The following MAP4K5 variants were observed in gnomAD, a reference collection of about 807,000 sequenced individuals.
MAP4K5 encodes mitogen-activated protein kinase kinase kinase kinase 5.
Under a neutral mutation model 135.6 loss-of-function variants are expected in MAP4K5, and 82 were observed. The observed-to-expected ratio is 0.60, with a 90% CI of 0.51 to 0.73. The LOEUF (loss-of-function observed/expected upper bound fraction) is 0.73. MAP4K5 is among the 30% of genes least tolerant of loss of function. The pLI is 0.00. For missense variants in MAP4K5, 907 were observed against 1,010.9 expected (o/e 0.90, Z 1.39); for synonymous variants, 347 against 335.0 (o/e 1.04, Z -0.39).
Position 50,486,088 on chromosome 14 carries a change from CT to C in MAP4K5, c.257+15del, listed in dbSNP as rs769195436. ...ATATAAAATACAGAGAGAGATGATG[CT>C]TTTTTTTCTCTTACCTAAGATAACT... is the stretch of plus-strand genomic sequence containing the variant. On this transcript the variant is annotated intron_variant, in intron 4 of 32. Transcript: ENST00000682126. 70 of 996,700 alleles carry C rather than the reference CT, an allele frequency of 7.0e-5. No individual in the cohort carries two copies. Among genetic ancestry groups the C allele is most frequent in the East Asian group, 1.9e-4 (7 of 37,158 alleles). The allele number at this position is 996,700 out of a possible 1,614,324, so 61.7% of individuals were successfully genotyped here.
intron 1 of MAP4K5, among the ~76,000 whole-genome samples, chr14:50,556,179 A>T (rs1422745097): frequency 2.0e-5 from 3 of 152,188 alleles, no homozygotes; most frequent in Non-Finnish European, 4.4e-5. Flanking sequence ...AACATAATTC[A>T]CATACCATAA....
At chr14:50,504,909 C>A (rs184240843) in intron 2 of MAP4K5, 52 bp from the exon 3 acceptor site, 195 of 1,180,964 alleles carry the variant, frequency 1.7e-4, no homozygotes, top group Middle Eastern at 6.0e-4. Flanking sequence ...TTGTTAATTA[C>A]ATTAAAATTA....
chr14:50,438,130 G>A (rs532358585), intron 23 of MAP4K5, 36 bp from the exon 24 acceptor site: 42 of 729,022 alleles, frequency 5.8e-5, no homozygotes, highest in South Asian at 5.6e-4. Context: ...AAAAAGCCAA[G>A]CAAAATAGAA....
At chr14:50,523,778 A>G (rs77713317) in intron 2 of MAP4K5, among the ~76,000 whole-genome samples, 2,072 of 152,300 alleles carry the variant, frequency 0.014, 50 homozygotes, top group African/African-American at 0.047. Flanking sequence ...TTTGTTCACT[A>G]GATGTATCAC....
At chr14:50,434,654 ACTC>A in intron 27 of MAP4K5, 83 bp from the exon 28 acceptor site, 2 of 1,199,238 alleles carry the variant, frequency 1.7e-6, no homozygotes, top group African/African-American at 1.5e-5. Flanking sequence ...CAACAGAAAG[ACTC>A]CTATCTTCTT....
intron 2 of MAP4K5, among the ~76,000 whole-genome samples, chr14:50,541,878 G>A (rs1474696175): frequency 6.6e-6 from 1 of 151,466 alleles, no homozygotes; most frequent in Non-Finnish European, 1.5e-5. Flanking sequence ...GCGGTGGCGA[G>A]TGCCTGTAGT....
At chr14:50,428,631 C>T (rs371104178) in intron 30 of MAP4K5, 31 bp downstream of exon 30, 13 of 1,234,284 alleles carry the variant, frequency 1.1e-5, no homozygotes, top group African/African-American at 1.5e-5. Context: ...TTAAGTATCG[C>T]AAACTGATTT....
Position 50,425,887 on chromosome 14 carries a change from G to A in MAP4K5, c.2397+20C>T, listed in dbSNP as rs376560231. Reference sequence around the variant, plus strand: ...AAAATTGTTAGTGGGAGTCAGTGGAGGTAATCTGAGAAGGCTTACCTCATC... The same window carrying A: ...AAAATTGTTAGTGGGAGTCAGTGGAAGTAATCTGAGAAGGCTTACCTCATC... On this transcript the variant is annotated intron_variant, in intron 31 of 32. Transcript: ENST00000682126. The A allele has an allele frequency of 6.3e-5, 100 of 1,580,976 alleles. No homozygotes were observed. In the African/African-American group the frequency reaches 1.1e-3, roughly 17 times the overall value.
intron 10 of MAP4K5, among the ~76,000 whole-genome samples, chr14:50,468,222 A>G (rs758437291): frequency 2.6e-5 from 4 of 152,188 alleles, no homozygotes; most frequent in Non-Finnish European, 5.9e-5. Flanking sequence ...AAAAAAAAAG[A>G]TCAATTGATA....
intron 15 of MAP4K5, 63 bp from the exon 16 acceptor site, chr14:50,447,544 AT>A: frequency 1.1e-6 from 1 of 906,034 alleles, no homozygotes; most frequent in Non-Finnish European, 1.7e-6. Context: ...ATTTTATTTG[AT>A]TCAAGAAAAC....
In MAP4K5 at chr14:50,532,038, C is replaced by A. The variant is rs762845846; in HGVS notation, c.12G>T (p.Pro4=). Residue 4 remains proline (P), a synonymous_variant, in exon 2 of 33, where the codon CCG becomes CCT. Transcript: ENST00000682126. Reference sequence around the variant, plus strand: ...TCAGGATGTCCGCGGCAGGCCGCAGCGGGGCCTCCATCTTCACTTAGGGCC... The same window carrying A: ...TCAGGATGTCCGCGGCAGGCCGCAGAGGGGCCTCCATCTTCACTTAGGGCC... The part of the protein sequence containing the change: MEA[P]LRPAADILRR... 9.6e-6 allele frequency: 15 copies of A among 1,569,464 alleles called. No homozygotes were observed. Among genetic ancestry groups the A allele is most frequent in the East Asian group, 2.4e-5 (1 of 42,158 alleles).
rs59075218 is a variant in MAP4K5, at chr14:50,542,006, CAAAAAAAAAAAAAAAAAAAA to C, written c.-94+473_-94+492del. On this transcript the variant is annotated intron_variant, in intron 2 of 8. Transcript: ENST00000555216. The stretch of plus-strand genomic sequence containing the variant: ...TGGGCGACAGAGCGAGATTCCGTCT[CAAAAAAAAAAAAAAAAAAAA>C]AAAAAAAAAAAAAAAAAAAAAAGAA... 2.5e-3 allele frequency among the ~76,000 whole-genome samples: 154 copies of C among 62,458 alleles called. 1 individual carries two copies. Among genetic ancestry groups the C allele is most frequent in the East Asian group, 4.8e-3 (9 of 1,864 alleles). 41.0% of individuals were successfully genotyped at this position (62,458 alleles called of 152,430 possible).
chr14:50,528,944 A>C (rs1265624603), intron 2 of MAP4K5, among the ~76,000 whole-genome samples: 2 of 152,224 alleles, frequency 1.3e-5, no homozygotes, highest in Admixed American at 1.3e-4. Context: ...AGGCATACTA[A>C]GGAGTAAATT....
At chr14:50,557,002 T>C (rs2038772947) in intron 1 of MAP4K5, among the ~76,000 whole-genome samples, 1 of 152,186 alleles carries the variant, frequency 6.6e-6, no homozygotes, top group East Asian at 1.9e-4. Context: ...TTCTTTAGGG[T>C]GTATATCTAG....
intron 3 of MAP4K5, among the ~76,000 whole-genome samples, chr14:50,498,091 A>C (rs2037632037): frequency 6.6e-6 from 1 of 152,212 alleles, no homozygotes; most frequent in African/African-American, 2.4e-5. Flanking sequence ...ATAGCTACAG[A>C]CTTGTTGGGC....
intron 3 of MAP4K5, among the ~76,000 whole-genome samples, chr14:50,502,263 C>T (rs2037721953): frequency 6.6e-6 from 1 of 152,176 alleles, no homozygotes; most frequent in South Asian, 2.1e-4. Context: ...GAAGCACTAT[C>T]CTACAATGTG....
chr14:50,420,661 A>G (rs1244938022), intron 32 of MAP4K5, among the ~76,000 whole-genome samples: 1 of 152,108 alleles, frequency 6.6e-6, no homozygotes, highest in African/African-American at 2.4e-5. Context: ...AAATTTGCTT[A>G]CTCATTTATG....
At chr14:50,524,687 AG>A (rs750594819) in intron 2 of MAP4K5, among the ~76,000 whole-genome samples, 3 of 152,056 alleles carry the variant, frequency 2.0e-5, no homozygotes, top group Non-Finnish European at 2.9e-5. Flanking sequence ...AGTGTTCTAA[AG>A]GAATACCTGC....
At chr14:50,479,696 T>C (rs1345414633) in intron 6 of MAP4K5, among the ~76,000 whole-genome samples, 1 of 152,204 alleles carries the variant, frequency 6.6e-6, no homozygotes. Flanking sequence ...CATCTTATTT[T>C]GCTTCTTTGC....
Sources: gnomAD v4.1 joint callset for allele counts (sites outside exome capture counted in the v4.1 genomes callset) on GRCh38, gnomAD v4.1.1 for gene constraint, MANE v1.5 for transcripts, NCBI Gene and HGNC (gene_info 2026-07-23, HGNC 2026-07-21) for gene names.